TASP1: variants seen among roughly 807,000 people sequenced by gnomAD.
TASP1 encodes the protein threonine aspartase 1.
In TASP1, 16 loss-of-function variants were observed where a neutral mutation model predicts 56.6. The observed-to-expected ratio is 0.28, with a 90% confidence interval of 0.19 to 0.43. TASP1 has a LOEUF of 0.43. Ranked by LOEUF, TASP1 falls within the 20% of genes least tolerant of loss-of-function variation. The probability of loss-of-function intolerance (pLI) is 1.00; values close to 1 mark genes in which losing one functional copy is unlikely to be tolerated. For synonymous variants in TASP1, 179 were observed against 184.2 expected, an observed-to-expected ratio of 0.97 and a Z score of 0.23; for missense variants, 393 against 511.6, an observed-to-expected ratio of 0.77 and a Z score of 2.24.
the TASP1 span, among the ~76,000 whole-genome samples, chr20:13,222,166 G>A: frequency 6.6e-6 from 1 of 152,210 alleles, no homozygotes. Flanking sequence ...CGGGTCAGGT[G>A]CGGGGTTGGT....
chr20:13,161,540 C>T, the TASP1 span, among the ~76,000 whole-genome samples: 3 of 152,076 alleles, frequency 2.0e-5, no homozygotes, highest in Non-Finnish European at 4.4e-5. Context: ...GGTGGGGACC[C>T]AGACTTACAT....
At chr20:13,111,373 T>G in the TASP1 span, among the ~76,000 whole-genome samples, 44 of 152,170 alleles carry the variant, frequency 2.9e-4, no homozygotes, top group African/African-American at 9.7e-4. Flanking sequence ...CTAGGCACAT[T>G]TGGCGATTTT....
the TASP1 span, chr20:13,167,062 G>A: frequency 6.6e-6 from 1 of 152,126 alleles, no homozygotes; most frequent in African/African-American, 2.4e-5. Context: ...AACAACTGTT[G>A]ATATACAGGT....
intron 6 of TASP1, among the ~76,000 whole-genome samples, chr20:13,572,700 A>C (rs1413676664): frequency 6.6e-6 from 1 of 151,490 alleles, no homozygotes; most frequent in East Asian, 1.9e-4. Flanking sequence ...AAAAAAAAAA[A>C]AAAAACTCTC....
the TASP1 span, among the ~76,000 whole-genome samples, chr20:13,193,468 G>A: frequency 3.3e-5 from 5 of 152,226 alleles, no homozygotes; most frequent in Middle Eastern, 3.4e-3. Context: ...GTCAAGCTAC[G>A]TCCATCAAAA....
chr20:13,632,253 G>A (rs750141022), intron 1 of TASP1, among the ~76,000 whole-genome samples: 2 of 150,238 alleles, frequency 1.3e-5, no homozygotes, highest in East Asian at 2.0e-4. Context: ...CCAGCTAGTC[G>A]AGAGGCTGAG....
intron 13 of TASP1, among the ~76,000 whole-genome samples, chr20:13,391,110 GCATAAAGATCA>G (rs2041257387): frequency 6.6e-6 from 1 of 152,164 alleles, no homozygotes; most frequent in Admixed American, 6.5e-5. Context: ...GGTTCATGTA[GCATAAAGATCA>G]CAGCAAACCC....
chr20:13,379,933 T>C, the TASP1 span, among the ~76,000 whole-genome samples: 8 of 152,362 alleles, frequency 5.3e-5, no homozygotes, highest in East Asian at 1.9e-4. Context: ...CGGTCATTTA[T>C]GTTCTTCTCT....
the TASP1 span, among the ~76,000 whole-genome samples, chr20:13,382,130 T>C: frequency 6.6e-6 from 1 of 152,174 alleles, no homozygotes; most frequent in African/African-American, 2.4e-5. Flanking sequence ...CCAGAGTGAA[T>C]CTTCTATCAG....
the TASP1 span, among the ~76,000 whole-genome samples, chr20:13,297,701 A>G: frequency 2.7e-4 from 41 of 152,366 alleles, no homozygotes; most frequent in East Asian, 7.9e-3. Context: ...ATGCAGGATC[A>G]GCATAATTCG....
At chr20:13,347,114 G>T in the TASP1 span, among the ~76,000 whole-genome samples, 1 of 152,224 alleles carries the variant, frequency 6.6e-6, no homozygotes, top group Non-Finnish European at 1.5e-5. Flanking sequence ...AAAACACTGT[G>T]TACAGTACGA....
At chr20:13,273,151 T>C in the TASP1 span, among the ~76,000 whole-genome samples, 1 of 152,156 alleles carries the variant, frequency 6.6e-6, no homozygotes, top group African/African-American at 2.4e-5. Context: ...ATCCCCTTTC[T>C]GTCTTCTAGA....
chr20:13,299,178 A>G, the TASP1 span: 2 of 1,607,946 alleles, frequency 1.2e-6, no homozygotes, highest in Non-Finnish European at 1.7e-6. The surrounding 1 kb of genome is among the most constrained non-coding windows in gnomAD (Gnocchi z 5.8). Context: ...CATCCGCTCC[A>G]TGCTGTCCCT....
At chr20:13,142,337 C>T in the TASP1 span, among the ~76,000 whole-genome samples, 2 of 152,102 alleles carry the variant, frequency 1.3e-5, no homozygotes, top group African/African-American at 2.4e-5. Context: ...GTGGTTGGAC[C>T]CTGAGATGGG....
At chr20:13,151,372 T>A in the TASP1 span, among the ~76,000 whole-genome samples, 1 of 152,218 alleles carries the variant, frequency 6.6e-6, no homozygotes, top group Non-Finnish European at 1.5e-5. Context: ...AACACCCAAG[T>A]GGACTGCCTT....
intron 8 of TASP1, among the ~76,000 whole-genome samples, chr20:13,542,638 C>A (rs1326124592): frequency 6.6e-6 from 1 of 151,966 alleles, no homozygotes; most frequent in Non-Finnish European, 1.5e-5. Context: ...CAATATCAAA[C>A]AATATACTCT....
At chr20:13,586,896 G>C (rs1001871173) in intron 5 of TASP1, among the ~76,000 whole-genome samples, 4 of 152,046 alleles carry the variant, frequency 2.6e-5, no homozygotes, top group African/African-American at 9.7e-5. Flanking sequence ...ACCCCACGGG[G>C]AAAGGAAATG....
In TASP1 at chr20:13,390,296, TA is replaced by T; in HGVS notation, c.*63del. 2 of 1,474,008 alleles carry T rather than the reference TA, an allele frequency of 1.4e-6. No individual in the cohort carries two copies. The highest frequency in any genetic ancestry group is 1.7e-4 in the Middle Eastern group (1 of 5,762). The allele number at this position is 1,474,008 out of a possible 1,614,324, so 91.3% of individuals were successfully genotyped here. On this transcript the variant is annotated 3_prime_UTR_variant, in exon 14 of 14. Coordinates refer to ENST00000337743, the MANE Select transcript of TASP1 (RefSeq NM_017714.3). ...GAAAGATAAAACAACCAACTTCAGT[TA>T]AAAACCCCCAAAAGCTCAGGTTCTG...
chr20:13,301,731 T>C, the TASP1 span, among the ~76,000 whole-genome samples: 4 of 152,104 alleles, frequency 2.6e-5, no homozygotes, highest in Non-Finnish European at 5.9e-5. Flanking sequence ...GGCAATGGAA[T>C]GCATTGCCTT....
Sources: gnomAD v4.1 joint callset for allele counts (sites outside exome capture counted in the v4.1 genomes callset) on GRCh38, gnomAD v4.1.1 for gene constraint, Gnocchi (gnomAD v3.1) non-coding constraint, MANE v1.5 for transcripts, NCBI Gene and HGNC (gene_info 2026-07-23, HGNC 2026-07-21) for gene names.